The following TTC28 variants were observed in gnomAD, a reference collection of about 807,000 sequenced individuals.
The protein encoded by TTC28 is tetratricopeptide repeat domain 28.
A neutral mutation model predicts 198.0 loss-of-function variants in TTC28; 61 were observed. That is an observed-to-expected ratio of 0.31 (90% CI 0.25 to 0.38). The LOEUF is 0.38. Ranked by LOEUF, TTC28 falls within the 10% of genes least tolerant of loss-of-function variation. TTC28 has a pLI of 1.00. For missense variants in TTC28, 2,678 were observed against 3,164.0 expected, an observed-to-expected ratio of 0.85 and a Z score of 3.69; for synonymous variants, 1,171 against 1,297.8, an observed-to-expected ratio of 0.90 and a Z score of 2.10.
rs144709664 is a variant in TTC28 at position 28,210,248 on chromosome 22, C to T, written c.934-46649G>A. ...GAGTGCCTCTTCTCCACCAAAGGAA[C>T]GCAGCTTCTCGCCAGCAATGGAACA... On this transcript the variant is annotated intron_variant, in intron 5 of 22. Coordinates refer to ENST00000397906, the MANE Select transcript of TTC28 (RefSeq NM_001145418.2). Among the ~76,000 whole-genome samples, 15 of 152,290 alleles carry T rather than the reference C, an allele frequency of 9.8e-5. No homozygotes were observed. In the East Asian group the frequency reaches 1.5e-3, roughly 16 times the overall value.
chr22:28,008,840 A>G (rs1402005511), intron 14 of TTC28, among the ~76,000 whole-genome samples: 2 of 152,258 alleles, frequency 1.3e-5, no homozygotes, highest in African/African-American at 2.4e-5. Flanking sequence ...TGAGGGAGGG[A>G]CGCTGGAGAG....
chr22:28,226,479 T>A (rs140236932), intron 5 of TTC28, among the ~76,000 whole-genome samples: 2,368 of 152,278 alleles, frequency 0.016, 79 homozygotes, highest in African/African-American at 0.055. Flanking sequence ...CAGGCTGGAG[T>A]GCAGTGGTGC....
chr22:28,498,690 C>CT, intron 2 of TTC28, among the ~76,000 whole-genome samples: 1 of 152,252 alleles, frequency 6.6e-6, no homozygotes, highest in Middle Eastern at 3.4e-3. Context: ...TTAAGAACAT[C>CT]TAATCATAAT....
At chr22:28,603,174 T>C (rs1460870507) in intron 2 of TTC28, among the ~76,000 whole-genome samples, 1 of 152,130 alleles carries the variant, frequency 6.6e-6, no homozygotes, top group South Asian at 2.1e-4. Flanking sequence ...CCACCGTGCC[T>C]GGCCCCTAAC....
At chr22:28,329,541 G>T (rs1295903394) in intron 2 of TTC28, among the ~76,000 whole-genome samples, 2 of 152,176 alleles carry the variant, frequency 1.3e-5, no homozygotes, top group Admixed American at 1.3e-4. Context: ...ATAAGGTAAA[G>T]AAAGGTTAAA....
intron 5 of TTC28, among the ~76,000 whole-genome samples, chr22:28,294,428 T>C (rs979579633): frequency 1.3e-5 from 2 of 152,192 alleles, no homozygotes; most frequent in Admixed American, 6.5e-5. Flanking sequence ...TATGATATCA[T>C]AGAGAATGTC....
intron 2 of TTC28, among the ~76,000 whole-genome samples, chr22:28,451,106 C>A (rs573747813): frequency 6.6e-6 from 1 of 152,196 alleles, no homozygotes; most frequent in East Asian, 1.9e-4. Flanking sequence ...TAAGTTTTGG[C>A]TGAACACTAA....
At chr22:28,577,240 C>A (rs2050165424) in intron 2 of TTC28, among the ~76,000 whole-genome samples, 1 of 152,054 alleles carries the variant, frequency 6.6e-6, no homozygotes. Context: ...ACTGGTCATT[C>A]AGGAACACAG....
chr22:27,986,664 A>G (rs754873502), intron 21 of TTC28, among the ~76,000 whole-genome samples: 1 of 152,136 alleles, frequency 6.6e-6, no homozygotes, highest in South Asian at 2.1e-4. Context: ...TCAGCATGCT[A>G]TGTGTCGTGA....
intron 2 of TTC28, among the ~76,000 whole-genome samples, chr22:28,556,358 C>CA (rs952284176): frequency 2.3e-4 from 35 of 150,284 alleles, no homozygotes; most frequent in African/African-American, 6.6e-4. Flanking sequence ...GACCCTGTCT[C>CA]AAAAAAAAAG....
chr22:28,251,367 T>A (rs1020194413), intron 5 of TTC28, among the ~76,000 whole-genome samples: 2 of 152,180 alleles, frequency 1.3e-5, no homozygotes, highest in East Asian at 1.9e-4. Flanking sequence ...TTATTTATTA[T>A]CTATGGCTGT....
At chr22:28,381,966 T>C (rs1343636735) in intron 2 of TTC28, among the ~76,000 whole-genome samples, 1 of 152,146 alleles carries the variant, frequency 6.6e-6, no homozygotes, top group Non-Finnish European at 1.5e-5. Context: ...AAAGTGCCAA[T>C]TCCTCGGCAA....
At chr22:28,329,854 C>A (rs962786069) in intron 2 of TTC28, among the ~76,000 whole-genome samples, 47 of 152,248 alleles carry the variant, frequency 3.1e-4, no homozygotes, top group Admixed American at 2.7e-3. Flanking sequence ...TTCTTTCTTG[C>A]CTAACATTTC....
chr22:28,150,523 G>A (rs935104534), intron 6 of TTC28, among the ~76,000 whole-genome samples: 3 of 152,126 alleles, frequency 2.0e-5, no homozygotes, highest in African/African-American at 7.2e-5. Context: ...CAAAACAGAT[G>A]GATTCCTTAA....
At chr22:28,286,113 C>A (rs1384957715) in intron 5 of TTC28, among the ~76,000 whole-genome samples, 1 of 151,988 alleles carries the variant, frequency 6.6e-6, no homozygotes, top group African/African-American at 2.4e-5. Flanking sequence ...CATTCTCCTG[C>A]CTCAGCCTCT....
chr22:28,522,930 G>A (rs1465829372), intron 2 of TTC28, among the ~76,000 whole-genome samples: 5 of 151,878 alleles, frequency 3.3e-5, no homozygotes, highest in African/African-American at 1.2e-4. Context: ...GTTTCTTTTT[G>A]GAATGATAAA....
At position 28,165,918 on chromosome 22, in the gene TTC28, T is replaced by C. The variant is rs369406160; in HGVS notation, c.934-2319A>G. On this transcript the variant is annotated intron_variant, in intron 5 of 22. Coordinates refer to ENST00000397906, the MANE Select transcript of TTC28 (RefSeq NM_001145418.2). ...AAAGAGTCAAGACCCATCAGTGTGC[T>C]GTATTCAGGAAACCCATCTCACATG... Among the ~76,000 whole-genome samples the C allele has an allele frequency of 1.7e-3, 263 of 152,302 alleles. 5 individuals are homozygous for C. The East Asian group carries it at 0.043, about 25-fold the overall frequency.
chr22:27,985,579 C>T, intron 21 of TTC28: 1 of 427,128 alleles, frequency 2.3e-6, no homozygotes, highest in East Asian at 4.2e-5. Context: ...CCCCATTTGG[C>T]GTGTGTGTGG....
chr22:28,535,787 G>T (rs1294695108), intron 2 of TTC28, among the ~76,000 whole-genome samples: 1 of 152,116 alleles, frequency 6.6e-6, no homozygotes. Flanking sequence ...TCCTGGCCAT[G>T]TGAAGACTGT....
Sources: allele counts gnomAD v4.1 joint callset (sites outside exome capture counted in the v4.1 genomes callset), GRCh38; gene constraint gnomAD v4.1.1; transcripts MANE v1.5; gene names NCBI Gene and HGNC (gene_info 2026-07-23, HGNC 2026-07-21).